The following PEX7 variants were observed in gnomAD, a reference collection of about 807,000 sequenced individuals.
PEX7 encodes the protein PTS2 receptor.
A neutral mutation model predicts 47.5 loss-of-function variants in PEX7; 34 were observed. That is an observed-to-expected ratio of 0.72 (90% CI 0.54 to 0.95). The LOEUF is 0.95. Among genes scored for constraint, PEX7 ranks in the 40% least tolerant of loss-of-function variants. The pLI is 0.00. For missense variants in PEX7, 394 were observed against 400.3 expected, an observed-to-expected ratio of 0.98 and a Z score of 0.13; for synonymous variants, 141 against 148.8, an observed-to-expected ratio of 0.95 and a Z score of 0.38.
intron 9 of PEX7, among the ~76,000 whole-genome samples, chr6:136,905,017 G>C (rs1775821860): frequency 6.6e-6 from 1 of 152,138 alleles, no homozygotes; most frequent in African/African-American, 2.4e-5. Context: ...TACCTTTGAA[G>C]TCTTTCTGAT....
At chr6:136,865,794 A>G (rs116401778) in intron 5 of PEX7, among the ~76,000 whole-genome samples, 5,686 of 152,288 alleles carry the variant, frequency 0.037, 110 homozygotes, top group African/African-American at 0.057. Context: ...ATATCAAAAT[A>G]AATAAATAGG....
intron 5 of PEX7, among the ~76,000 whole-genome samples, chr6:136,855,081 G>T (rs1774834808): frequency 6.7e-6 from 1 of 148,544 alleles, no homozygotes; most frequent in African/African-American, 2.5e-5. Flanking sequence ...GAGCAAGACT[G>T]TCTCAAAAAA....
At chr6:136,872,361 T>G (rs1182532441) in intron 8 of PEX7, 108 bp downstream of exon 8, 27 of 814,402 alleles carry the variant, frequency 3.3e-5, no homozygotes, top group Non-Finnish European at 3.9e-5. Flanking sequence ...GAAAATAATC[T>G]GAGATGGGTA....
At chr6:136,846,819 T>C (rs1774612832) in intron 5 of PEX7, among the ~76,000 whole-genome samples, 1 of 152,224 alleles carries the variant, frequency 6.6e-6, no homozygotes, top group African/African-American at 2.4e-5. Context: ...TGCATGTCTT[T>C]ATAGCAGCAT....
At position 136,840,689 on chromosome 6, in the gene PEX7, G is replaced by A. The variant is rs994366081; in HGVS notation, c.340-4926G>A. ...AAGTGGTAACTTATGGTTGATGGTT[G>A]TAACCTCTTAAGAGAAATCATAGAC... is the stretch of plus-strand genomic sequence containing the variant. On this transcript the variant is annotated intron_variant, in intron 3 of 9. Transcript: ENST00000318471. Among the ~76,000 whole-genome samples, 6 of 152,222 alleles carry A rather than the reference G, an allele frequency of 3.9e-5. No homozygotes were observed. In the South Asian group the frequency reaches 1.0e-3, roughly 26 times the overall value.
intron 5 of PEX7, among the ~76,000 whole-genome samples, chr6:136,846,404 CAT>C (rs1481482941): frequency 2.0e-5 from 3 of 152,116 alleles, no homozygotes; most frequent in Admixed American, 2.0e-4. Context: ...GGGTTTGTTA[CAT>C]GTGTGTGCAT....
intron 3 of PEX7, among the ~76,000 whole-genome samples, chr6:136,831,594 C>A (rs1201360346): frequency 6.6e-6 from 1 of 152,222 alleles, no homozygotes; most frequent in Non-Finnish European, 1.5e-5. Context: ...TCATCTGAGA[C>A]AAGGCAAGTC....
chr6:136,873,988 A>G (rs760211250), intron 8 of PEX7, among the ~76,000 whole-genome samples: 1 of 151,972 alleles, frequency 6.6e-6, no homozygotes, highest in Non-Finnish European at 1.5e-5. Context: ...TTTGTGTATC[A>G]TTTTCTCACC....
At chr6:136,854,056 T>C (rs1197828235) in intron 5 of PEX7, among the ~76,000 whole-genome samples, 1 of 133,514 alleles carries the variant, frequency 7.5e-6, no homozygotes, top group Non-Finnish European at 1.6e-5. Context: ...CTTTGGTCTT[T>C]TATCCTTCTG....
chr6:136,823,108 G>C, intron 1 of PEX7: 81 of 985,472 alleles, frequency 8.2e-5, no homozygotes, highest in Non-Finnish European at 9.5e-5. Context: ...CGTCCCCGTA[G>C]GGAGAGCCGG....
chr6:136,837,098 C>T (rs907918013), intron 3 of PEX7, among the ~76,000 whole-genome samples: 5 of 152,060 alleles, frequency 3.3e-5, no homozygotes, highest in Non-Finnish European at 4.4e-5. Flanking sequence ...GCCGCGCTTA[C>T]GCCTGTAATC....
Position 136,872,501 on chromosome 6 carries a change from A to T in PEX7, c.803+248A>T, listed in dbSNP as rs144375283. Reference sequence around the variant, plus strand: ...GTTTAAAAGCCATCTTTTCTAATAGATGTTCCTATGGTAACACTTTCCTAC... The same window carrying T: ...GTTTAAAAGCCATCTTTTCTAATAGTTGTTCCTATGGTAACACTTTCCTAC... On this transcript the variant is annotated intron_variant, in intron 8 of 9. Transcript: ENST00000318471. Among the ~76,000 whole-genome samples, 46 of 152,256 alleles carry T rather than the reference A, an allele frequency of 3.0e-4. No homozygotes were observed. In the East Asian group the frequency reaches 8.3e-3, roughly 27 times the overall value.
intron 8 of PEX7, among the ~76,000 whole-genome samples, chr6:136,892,055 T>G (rs1775564886): frequency 6.6e-6 from 1 of 152,038 alleles, no homozygotes; most frequent in Admixed American, 6.6e-5. Flanking sequence ...GAGAGTTGAG[T>G]GATACATAAG....
At chr6:136,827,494 C>A (rs866743025) in intron 3 of PEX7, among the ~76,000 whole-genome samples, 2 of 137,814 alleles carry the variant, frequency 1.5e-5, no homozygotes, top group Admixed American at 8.0e-5. Context: ...TTTGTGGAAC[C>A]TGTGTGAATT....
chr6:136,878,438 G>A (rs1287862380), intron 8 of PEX7, among the ~76,000 whole-genome samples: 1 of 152,056 alleles, frequency 6.6e-6, no homozygotes, highest in East Asian at 1.9e-4. Context: ...AGTGGCTGTG[G>A]GTTTGTCATA....
intron 2 of PEX7, among the ~76,000 whole-genome samples, chr6:136,826,103 C>A (rs1007877095): frequency 1.3e-5 from 2 of 152,032 alleles, no homozygotes; most frequent in Non-Finnish European, 2.9e-5. Flanking sequence ...CTACTACATT[C>A]CACTGGACTG....
chr6:136,855,401 G>T lies in PEX7; in HGVS notation c.526+9220G>T, dbSNP rs1288987287. On this transcript the variant is annotated intron_variant, in intron 5 of 9. Transcript: ENST00000318471. ...GTCCCCCAGGCTGGAGTACAATGGT[G>T]CAATCTCAGCTCACTGCAACTTCCG... 3.4e-5 allele frequency among the ~76,000 whole-genome samples: 5 copies of T among 145,934 alleles called. 1 individual carries two copies. In the East Asian group the frequency reaches 1.0e-3, roughly 29 times the overall value.
chr6:136,898,722 A>G (rs905141937), intron 9 of PEX7, among the ~76,000 whole-genome samples: 1 of 152,228 alleles, frequency 6.6e-6, no homozygotes, highest in African/African-American at 2.4e-5. Context: ...AATGTCTGCT[A>G]TTTAAGTTAA....
chr6:136,866,483 A>G, intron 5 of PEX7, 144 bp from the exon 6 acceptor site: 1 of 707,294 alleles, frequency 1.4e-6, no homozygotes, highest in Non-Finnish European at 2.6e-6. Context: ...ATACATTATT[A>G]TGGTTTAAAA....
Sources: gnomAD v4.1 joint callset for allele counts (sites outside exome capture counted in the v4.1 genomes callset) on GRCh38, gnomAD v4.1.1 for gene constraint, MANE v1.5 for transcripts, NCBI Gene and HGNC (gene_info 2026-07-23, HGNC 2026-07-21) for gene names.